SSC5D: variants seen among roughly 807,000 people sequenced by gnomAD.
The protein encoded by SSC5D is soluble scavenger receptor cysteine-rich domain-containing protein SSC5D.
A neutral mutation model predicts 104.6 loss-of-function variants in SSC5D; 106 were observed. The observed-to-expected ratio is 1.01, with a 90% CI of 0.87 to 1.19. The LOEUF is 1.19. Among genes scored for constraint, SSC5D ranks in the 50% most tolerant of loss-of-function variants. SSC5D has a pLI of 0.00. For missense variants in SSC5D, 1,993 were observed against 2,153.8 expected (o/e 0.93, Z 1.48); for synonymous variants, 860 against 883.5 (o/e 0.97, Z 0.47).
chr19:55,500,467 T>C lies in SSC5D; in HGVS notation c.2303-23T>C. 6.5e-7 allele frequency: 1 copy of C among 1,549,394 alleles called. No individual in the cohort carries two copies. The highest frequency in any genetic ancestry group is 8.7e-7 in the Non-Finnish European group (1 of 1,145,282). On this transcript the variant is annotated intron_variant, in intron 10 of 13. Transcript: ENST00000389623. The surrounding 1 kb of genome is among the most constrained non-coding windows in gnomAD (Gnocchi z 4.6). ...AATGGGAGAGGCTGACCCTCCCTCCTGACCTAAGGGCCTTCCACGCAGGCC... is the reference window on the plus strand; with the variant it reads ...AATGGGAGAGGCTGACCCTCCCTCCCGACCTAAGGGCCTTCCACGCAGGCC...
chr19:55,495,234 T>TATATATATATATATATATA lies in SSC5D; in HGVS notation c.1387+451_1387+452insATATATATATATATATATA, dbSNP rs56232242. Reference sequence around the variant, plus strand: ...CTCCTTTCATATATATATATATATATTTTTTTTTTTTTTTTTTTTTTTTTT... The same window carrying TATATATATATATATATATA: ...CTCCTTTCATATATATATATATATATATATATATATATATATATATTTTTTTTTTTTTTTTTTTTTTTTT... On this transcript the variant is annotated intron_variant, in intron 8 of 13. Coordinates refer to ENST00000389623, the MANE Select transcript of SSC5D (RefSeq NM_001144950.2). Among the ~76,000 whole-genome samples the TATATATATATATATATATA allele has an allele frequency of 1.7e-3, 37 of 22,216 alleles. 5 individuals are homozygous for TATATATATATATATATATA. Among genetic ancestry groups the TATATATATATATATATATA allele is most frequent in the African/African-American group, 1.8e-3 (13 of 7,056 alleles). The allele number at this position is 22,216 out of a possible 152,430, so 14.6% of individuals were successfully genotyped here.
At chr19:55,507,170 A>G (rs1358816634) in intron 12 of SSC5D, among the ~76,000 whole-genome samples, 1 of 151,264 alleles carries the variant, frequency 6.6e-6, no homozygotes, top group Non-Finnish European at 1.5e-5. Flanking sequence ...CTCGAAAAAA[A>G]TAAATAAATA....
chr19:55,504,178 C>T (rs1313297289), intron 12 of SSC5D: 12 of 1,535,126 alleles, frequency 7.8e-6, no homozygotes, highest in Admixed American at 2.0e-5. Flanking sequence ...GGTTGCAGCG[C>T]CTCCCTAGCC....
At chr19:55,513,332 TA>T (rs1987800094) in intron 13 of SSC5D, among the ~76,000 whole-genome samples, 160 bp downstream of exon 13, 1 of 152,200 alleles carries the variant, frequency 6.6e-6, no homozygotes, top group Non-Finnish European at 1.5e-5. Flanking sequence ...CTCATGCCTG[TA>T]ATCACAGCAC....
In SSC5D at chr19:55,490,953, T is replaced by TA; in HGVS notation, c.768_769insA (p.Ala257SerfsTer32). ...CCGGCGGTGCCAGATTCGGGCCTGGTGCAGGGCCCGTGTGGATGGACGATG... is the reference window on the plus strand; with the variant it reads ...CCGGCGGTGCCAGATTCGGGCCTGGTAGCAGGGCCCGTGTGGATGGACGATG... On this transcript the variant is annotated frameshift_variant, in exon 6 of 14. Transcript: ENST00000389623. LOFTEE classifies it high-confidence loss of function. The TA allele has an allele frequency of 6.5e-7, 1 of 1,546,272 alleles. No individual in the cohort carries two copies. Among genetic ancestry groups the TA allele is most frequent in the Non-Finnish European group, 8.7e-7 (1 of 1,144,794 alleles).
Position 55,503,917 on chromosome 19 carries a change from A to G in SSC5D, c.2785+2716A>G, listed in dbSNP as rs1025258060. Among the ~76,000 whole-genome samples, 1 of 151,946 alleles carries G rather than the reference A, an allele frequency of 6.6e-6. No homozygotes were observed. The highest frequency in any genetic ancestry group is 2.4e-5 in the African/African-American group (1 of 41,328). On this transcript the variant is annotated intron_variant, in intron 12 of 13. Coordinates refer to ENST00000389623, the MANE Select transcript of SSC5D (RefSeq NM_001144950.2). The surrounding 1 kb of genome is among the most constrained non-coding windows in gnomAD (Gnocchi z 4.0). ...GCGTTCATCTGCCTCGCACCTCGTG[A>G]CGTCACAGGCGCGCTGCGCCTCCTG...
intron 12 of SSC5D, chr19:55,504,015 T>G (rs1312997074): frequency 1.7e-6 from 2 of 1,178,138 alleles, no homozygotes; most frequent in Non-Finnish European, 2.4e-6. Context: ...GAAGCGGGCC[T>G]TGAGGTGGGG....
chr19:55,507,163 G>C (rs369044749), intron 12 of SSC5D, among the ~76,000 whole-genome samples: 1 of 149,472 alleles, frequency 6.7e-6, no homozygotes, highest in East Asian at 2.0e-4. Flanking sequence ...AGACTGTCTC[G>C]AAAAAAATAA....
Position 55,518,550 on chromosome 19 carries a change from C to T in SSC5D, c.4274C>T (p.Thr1425Ile), listed in dbSNP as rs1349971926. Residue 1425 changes from threonine (T) to isoleucine (I), a missense_variant, in exon 14 of 14, where the codon ACC (threonine) becomes ATC (isoleucine). Physicochemically the swap from Thr to Ile is moderately conservative, Grantham distance 89. Coordinates refer to ENST00000389623, the MANE Select transcript of SSC5D (RefSeq NM_001144950.2). ...AGCCCCAACCTAACCCCTCCACCCA[C>T]CCATACCCCACACTCAGCCTCTGAC... is the stretch of plus-strand genomic sequence containing the variant. ...SQSPNLTPPP[T>I]HTPHSASDLT... The T allele has an allele frequency of 6.5e-7, 1 of 1,539,884 alleles. No homozygotes were observed. The highest frequency in any genetic ancestry group is 1.2e-5 in the South Asian group (1 of 83,764).
chr19:55,501,173 C>T lies in SSC5D; in HGVS notation c.2757C>T (p.Ser919=), dbSNP rs779531957. ...CCACCCGGCGCCCGGGTAGCTCCTCCCCAGCAATAAGGCGCCTGCCGGACA... is the reference window on the plus strand; with the variant it reads ...CCACCCGGCGCCCGGGTAGCTCCTCTCCAGCAATAAGGCGCCTGCCGGACA... ...WRTTRRPGSS[S]PAIRRLPDTG... Residue 919 remains serine (S), a synonymous_variant, in exon 12 of 14, where the codon TCC becomes TCT. Coordinates refer to ENST00000389623, the MANE Select transcript of SSC5D (RefSeq NM_001144950.2). 1 of 1,542,286 alleles carries T rather than the reference C, an allele frequency of 6.5e-7. No homozygotes were observed. The highest frequency in any genetic ancestry group is 1.2e-5 in the South Asian group (1 of 83,058).
intron 8 of SSC5D, among the ~76,000 whole-genome samples, chr19:55,496,566 C>A (rs554037551): frequency 2.0e-5 from 3 of 152,258 alleles, no homozygotes; most frequent in African/African-American, 7.2e-5. Context: ...GTGTCTCAGT[C>A]CAGGTGATGC....
At chr19:55,504,134 C>G (rs753990816) in intron 12 of SSC5D, 5 of 1,535,412 alleles carry the variant, frequency 3.3e-6, no homozygotes, top group Admixed American at 2.0e-5. Flanking sequence ...GCGGGAGCTC[C>G]GAGAGGTGAT....
In SSC5D at chr19:55,497,990, G is replaced by C. The variant is rs964082835; in HGVS notation, c.1498G>C (p.Asp500His). 1 of 1,551,824 alleles carries C rather than the reference G, an allele frequency of 6.4e-7. No individual in the cohort carries two copies. The highest frequency in any genetic ancestry group is 8.7e-7 in the Non-Finnish European group (1 of 1,147,022). Residue 500 changes from aspartate to histidine, a missense_variant, in exon 9 of 14, where the codon GAT (aspartate) becomes CAT (histidine). This residue lies in a region of SSC5D where 1,101 missense variants were observed against 1,085.0 expected (regional missense o/e 1.01). Coordinates refer to ENST00000389623, the MANE Select transcript of SSC5D (RefSeq NM_001144950.2). ...GTGTGACGATAGCTGGGACATGCGG[G>C]ATTCAGCTGTGGTCTGCCGGGAGCT... Reference protein sequence around the residue: ...TVCDDSWDMRDSAVVCRELGC... With the variant: ...TVCDDSWDMRHSAVVCRELGC...
chr19:55,514,395 ACT>A lies in SSC5D; in HGVS notation c.2947+1226_2947+1227del, dbSNP rs1435052777. On this transcript the variant is annotated intron_variant, in intron 13 of 13. Transcript: ENST00000389623. ...ACTCCAGCCTGGGCAACAGAGTGAGACTCTGTCTCAAAATAATAATAATAATA... is the reference window on the plus strand; with the variant it reads ...ACTCCAGCCTGGGCAACAGAGTGAGACTGTCTCAAAATAATAATAATAATA... Among the ~76,000 whole-genome samples the A allele has an allele frequency of 9.0e-5, 13 of 144,886 alleles. No individual in the cohort carries two copies. The South Asian group carries it at 3.0e-3, about 33-fold the overall frequency.
chr19:55,504,254 C>T (rs1253061367), intron 12 of SSC5D: 6 of 1,516,596 alleles, frequency 4.0e-6, no homozygotes, highest in Non-Finnish European at 5.3e-6. Flanking sequence ...ACAGCGGGTC[C>T]GGCCTCGGGA....
chr19:55,516,692 A>G (rs533044171), intron 13 of SSC5D, among the ~76,000 whole-genome samples: 47 of 151,582 alleles, frequency 3.1e-4, no homozygotes, highest in Non-Finnish European at 8.8e-5. Context: ...ACAGTGAGCT[A>G]TGATCTTGCC....
At chr19:55,508,574 C>A (rs1454891539) in intron 12 of SSC5D, among the ~76,000 whole-genome samples, 1 of 152,196 alleles carries the variant, frequency 6.6e-6, no homozygotes, top group Non-Finnish European at 1.5e-5. Context: ...ATTCCACACC[C>A]TTGCTGGCTC....
chr19:55,495,905 T>C (rs1345079199), intron 8 of SSC5D, among the ~76,000 whole-genome samples: 23 of 146,954 alleles, frequency 1.6e-4, no homozygotes, highest in Admixed American at 1.5e-3. Flanking sequence ...CTGGCTATTT[T>C]TTTTTTTTTT....
chr19:55,505,214 C>T (rs985399642), intron 12 of SSC5D, among the ~76,000 whole-genome samples: 2 of 151,714 alleles, frequency 1.3e-5, no homozygotes, highest in Non-Finnish European at 2.9e-5. Flanking sequence ...AAACGAACAA[C>T]AGCTGCAGGA....
Sources: gnomAD v4.1 joint callset for allele counts (sites outside exome capture counted in the v4.1 genomes callset) on GRCh38, gnomAD v4.1.1 for gene constraint, gnomAD v4.1.1 regional missense constraint, Gnocchi (gnomAD v3.1) non-coding constraint, MANE v1.5 for transcripts, NCBI Gene and HGNC (gene_info 2026-07-23, HGNC 2026-07-21) for gene names.